Variants in TMEM132D observed in about 807,000 individuals in gnomAD.
The protein encoded by TMEM132D is transmembrane protein 132D.
TMEM132D carries 21 observed loss-of-function variants against 62.3 expected under a neutral mutation model. That is an observed-to-expected ratio of 0.34 (90% confidence interval 0.24 to 0.49). TMEM132D has a LOEUF of 0.49. TMEM132D is among the 20% of genes least tolerant of loss of function. TMEM132D has a pLI of 0.99. For synonymous variants in TMEM132D, 621 were observed against 575.6 expected, an observed-to-expected ratio of 1.08 and a Z score of -1.13; for missense variants, 1,346 against 1,402.8, an observed-to-expected ratio of 0.96 and a Z score of 0.65.
At chr12:129,817,723 G>A (rs530181440) in intron 1 of TMEM132D, among the ~76,000 whole-genome samples, 1 of 148,958 alleles carries the variant, frequency 6.7e-6, no homozygotes, top group African/African-American at 2.5e-5. Context: ...GCCTTGGGGT[G>A]TGTGTGGTGT....
intron 3 of TMEM132D, among the ~76,000 whole-genome samples, chr12:129,490,573 C>T (rs908278700): frequency 2.1e-5 from 3 of 145,796 alleles, no homozygotes; most frequent in Admixed American, 6.9e-5. Flanking sequence ...GGACTACAGG[C>T]GCCCGCCCAC....
At position 129,078,528 on chromosome 12, in the gene TMEM132D, C is replaced by T; in HGVS notation, c.2115+6G>A. 1 of 1,612,322 alleles carries T rather than the reference C, an allele frequency of 6.2e-7. No homozygotes were observed. Among genetic ancestry groups the T allele is most frequent in the Non-Finnish European group, 8.5e-7 (1 of 1,179,198 alleles). ...GCTGAAGTGTGTCTCAAGCCCTCCT[C>T]CATACCTGTTTTGGCCTCTGCAGAA... On this transcript the variant is annotated splice_donor_region_variant and intron_variant, in intron 8 of 8. Coordinates refer to ENST00000422113, the MANE Select transcript of TMEM132D (RefSeq NM_133448.3).
intron 2 of TMEM132D, among the ~76,000 whole-genome samples, chr12:129,655,774 A>C (rs75678769): frequency 0.015 from 2,243 of 152,286 alleles, 46 homozygotes; most frequent in African/African-American, 0.05. Flanking sequence ...GCATCATCTT[A>C]AAAGAGCCCT....
Position 129,084,610 on chromosome 12 carries a change from G to T in TMEM132D, c.1536C>A (p.Ser512Arg), listed in dbSNP as rs763124843. 1.2e-6 allele frequency: 2 copies of T among 1,614,164 alleles called. No homozygotes were observed. The highest frequency in any genetic ancestry group is 8.5e-7 in the Non-Finnish European group (1 of 1,180,016). ...VVVNFTYQHL[S>R]SPLEMTVWVP... ...CCCACACCGTCATCTCCAGGGGGCT[G>T]CTCAGGTGCTGGTAGGTGAAGTTCA... The change falls in exon 6 of 9, where the codon AGC becomes AGA. Residue 512 changes from serine to arginine, a missense_variant. Ser to Arg is a moderately radical substitution (Grantham distance 110, BLOSUM62 -1). Coordinates refer to ENST00000422113, the MANE Select transcript of TMEM132D (RefSeq NM_133448.3).
chr12:129,786,441 A>T (rs1053889307), intron 1 of TMEM132D, among the ~76,000 whole-genome samples: 3 of 152,244 alleles, frequency 2.0e-5, no homozygotes, highest in Non-Finnish European at 4.4e-5. Flanking sequence ...AGGGAAAAAA[A>T]ACCATACAGA....
chr12:129,771,348 C>T (rs929947283), intron 1 of TMEM132D, among the ~76,000 whole-genome samples: 3 of 152,232 alleles, frequency 2.0e-5, no homozygotes, highest in Admixed American at 1.3e-4. Context: ...AATAACAGTC[C>T]CTGCCTCAAT....
intron 1 of TMEM132D, among the ~76,000 whole-genome samples, chr12:129,709,957 T>C (rs1881602005): frequency 6.6e-6 from 1 of 152,204 alleles, no homozygotes; most frequent in Non-Finnish European, 1.5e-5. Flanking sequence ...TTTAAAAGCA[T>C]TTACATATAG....
intron 1 of TMEM132D, among the ~76,000 whole-genome samples, chr12:129,780,709 C>T (rs1002796818): frequency 6.6e-6 from 1 of 152,134 alleles, no homozygotes; most frequent in African/African-American, 2.4e-5. Context: ...ACCACAAGCC[C>T]CCTGTACCTG....
chr12:129,343,841 G>A (rs1869596277), intron 3 of TMEM132D, among the ~76,000 whole-genome samples: 1 of 152,144 alleles, frequency 6.6e-6, no homozygotes, highest in South Asian at 2.1e-4. Context: ...TGAGGCAGGA[G>A]AATTGCTTGA....
chr12:129,220,193 A>G (rs1268990787), intron 4 of TMEM132D, among the ~76,000 whole-genome samples: 2 of 152,152 alleles, frequency 1.3e-5, no homozygotes, highest in Admixed American at 6.5e-5. Flanking sequence ...TGAGTTCCCA[A>G]GAGCAATGCC....
In TMEM132D at chr12:129,073,909, T is replaced by G. The variant is rs752965079; in HGVS notation, c.3266A>C (p.His1089Pro). 2 of 1,567,608 alleles carry G rather than the reference T, an allele frequency of 1.3e-6. No individual in the cohort carries two copies. The highest frequency in any genetic ancestry group is 3.8e-5 in the Admixed American group (2 of 52,040). Residue 1089 changes from histidine to proline, a missense_variant, in exon 9 of 9, where the codon CAC becomes CCC. Coordinates refer to ENST00000422113, the MANE Select transcript of TMEM132D (RefSeq NM_133448.3). ...DLDPGDCKEL[H>P]NYMERLHENV ...TTCATGTAACCTCTCCATGTAGTTG[T>G]GCAGCTCTTTGCAGTCCCCAGGGTC...
intron 4 of TMEM132D, among the ~76,000 whole-genome samples, chr12:129,278,517 C>T (rs1052291974): frequency 6.6e-6 from 1 of 151,744 alleles, no homozygotes; most frequent in Admixed American, 6.6e-5. Flanking sequence ...GGGTCTCAGC[C>T]AGGCTTGGTT....
At chr12:129,360,464 G>A (rs980910255) in intron 3 of TMEM132D, among the ~76,000 whole-genome samples, 1 of 152,186 alleles carries the variant, frequency 6.6e-6, no homozygotes, top group African/African-American at 2.4e-5. Context: ...GCACCAGGTG[G>A]GGAGTCTCCT....
At chr12:129,385,321 G>T (rs1290829682) in intron 3 of TMEM132D, among the ~76,000 whole-genome samples, 1 of 151,850 alleles carries the variant, frequency 6.6e-6, no homozygotes, top group African/African-American at 2.4e-5. Flanking sequence ...GGCCAAGCTG[G>T]TCTCAAACTC....
intron 1 of TMEM132D, among the ~76,000 whole-genome samples, chr12:129,830,868 G>A (rs1035320008): frequency 1.3e-5 from 2 of 152,140 alleles, no homozygotes; most frequent in Non-Finnish European, 2.9e-5. Flanking sequence ...AAAAGTCAAC[G>A]TAGTTGGGTG....
chr12:129,077,690 AACAC>A (rs748106428), intron 8 of TMEM132D, among the ~76,000 whole-genome samples: 5 of 152,048 alleles, frequency 3.3e-5, no homozygotes, highest in Non-Finnish European at 5.9e-5. Flanking sequence ...ACAGACCCAC[AACAC>A]ACACACATAT....
intron 1 of TMEM132D, among the ~76,000 whole-genome samples, chr12:129,863,872 T>G (rs1396334729): frequency 1.3e-5 from 2 of 152,184 alleles, no homozygotes; most frequent in African/African-American, 4.8e-5. Context: ...TAATATAGCC[T>G]CATCAGTCGG....
Position 129,337,715 on chromosome 12 carries a change from G to T in TMEM132D, c.1218C>A (p.Pro406=), listed in dbSNP as rs762791812. Reference sequence around the variant, plus strand: ...CTCCCAAGTCAGACGTGATCTCTCCGGGGTACTCGACCTGCCACGTGACCA... The same window carrying T: ...CTCCCAAGTCAGACGTGATCTCTCCTGGGTACTCGACCTGCCACGTGACCA... ...TQLVTWQVEY[P]GEITSDLGVS... The change falls in exon 4 of 9, where the codon CCC becomes CCA. Residue 406 remains proline, a synonymous_variant. Transcript: ENST00000422113. 6.2e-7 allele frequency: 1 copy of T among 1,614,200 alleles called. No homozygotes were observed. Among genetic ancestry groups the T allele is most frequent in the Non-Finnish European group, 8.5e-7 (1 of 1,180,040 alleles).
chr12:129,682,295 C>T (rs1880797168), intron 2 of TMEM132D, among the ~76,000 whole-genome samples: 1 of 152,174 alleles, frequency 6.6e-6, no homozygotes, highest in Non-Finnish European at 1.5e-5. Context: ...CAAGGTTCAC[C>T]TTACTCTGTT....
Sources: allele counts gnomAD v4.1 joint callset (sites outside exome capture counted in the v4.1 genomes callset), GRCh38; gene constraint gnomAD v4.1.1; transcripts MANE v1.5; gene names NCBI Gene and HGNC (gene_info 2026-07-23, HGNC 2026-07-21).